The following AAK1 variants were observed in gnomAD, a reference collection of about 807,000 sequenced individuals.
The protein encoded by AAK1 is AP2 associated kinase 1.
In AAK1, 37 loss-of-function variants were observed where a neutral mutation model predicts 116.0. The observed-to-expected ratio is 0.32, with a 90% CI of 0.25 to 0.42. The LOEUF (loss-of-function observed/expected upper bound fraction) is 0.42, where lower values mean the gene tolerates loss of function less well. Ranked by LOEUF, AAK1 falls within the 10% of genes least tolerant of loss-of-function variation. The pLI is 1.00. For synonymous variants in AAK1, 458 were observed against 439.9 expected, an observed-to-expected ratio of 1.04 and a Z score of -0.51; for missense variants, 919 against 1,170.6, an observed-to-expected ratio of 0.79 and a Z score of 3.14.
At chr2:69,528,994 C>CT (rs1558937724) in intron 8 of AAK1, among the ~76,000 whole-genome samples, 1 of 151,572 alleles carries the variant, frequency 6.6e-6, no homozygotes, top group Non-Finnish European at 1.5e-5. Flanking sequence ...AATATTCCTC[C>CT]TTTTTTTGTT....
In AAK1 at chr2:69,466,096, A is replaced by C. The variant is rs1184093424; in HGVS notation, c.*9773T>G. On this transcript the variant is annotated 3_prime_UTR_variant, in exon 22 of 22. Transcript: ENST00000409085. ...TCCATGTCATCATTTGGAACCCTTG[A>C]GCTCCTGAAGGGAGCTATGGCAAAA... is the stretch of plus-strand genomic sequence containing the variant. 7.7e-7 allele frequency: 1 copy of C among 1,290,752 alleles called. No individual in the cohort carries two copies. The highest frequency in any genetic ancestry group is 1.0e-6 in the Non-Finnish European group (1 of 988,894). The allele number at this position is 1,290,752 out of a possible 1,614,324, so 80.0% of individuals were successfully genotyped here.
In AAK1 at chr2:69,466,303, G is replaced by T. The variant is rs751866883; in HGVS notation, c.*9566C>A. ...TCATCTTCTTCTTCAGACTCCATAA[G>T]GAGAGGCCGAGACCCACTGCAGTCC... On this transcript the variant is annotated 3_prime_UTR_variant, in exon 22 of 22. Coordinates refer to ENST00000409085, the MANE Select transcript of AAK1 (RefSeq NM_014911.5). The T allele has an allele frequency of 3.1e-6, 4 of 1,289,676 alleles. No homozygotes were observed. In the South Asian group the frequency reaches 4.9e-5, roughly 16 times the overall value. The allele number at this position is 1,289,676 out of a possible 1,614,324, so 79.9% of individuals were successfully genotyped here. A position where few individuals can be genotyped will look rare whatever the true frequency, so the allele number is the denominator to read the frequency against.
At chr2:69,537,567 G>A (rs1670529010) in intron 5 of AAK1, among the ~76,000 whole-genome samples, 1 of 152,196 alleles carries the variant, frequency 6.6e-6, no homozygotes, top group African/African-American at 2.4e-5. Flanking sequence ...TCACAGAGAA[G>A]CAACTAGCAT....
intron 3 of AAK1, 105 bp from the exon 4 acceptor site, chr2:69,544,649 CA>C: frequency 3.7e-6 from 3 of 805,326 alleles, no homozygotes; most frequent in Non-Finnish European, 6.0e-6. Flanking sequence ...AGAGATGATA[CA>C]GTGTTGACAG....
intron 2 of AAK1, among the ~76,000 whole-genome samples, chr2:69,571,276 T>C (rs1672085114): frequency 6.6e-6 from 1 of 152,150 alleles, no homozygotes; most frequent in Non-Finnish European, 1.5e-5. Flanking sequence ...GAATCCGAAG[T>C]GATGACCTAG....
intron 17 of AAK1, among the ~76,000 whole-genome samples, chr2:69,492,852 G>A (rs1192944747): frequency 6.6e-6 from 1 of 151,990 alleles, no homozygotes; most frequent in Non-Finnish European, 1.5e-5. Flanking sequence ...CAGTATGGCT[G>A]AGAGTAGAAG....
intron 13 of AAK1, among the ~76,000 whole-genome samples, chr2:69,513,479 C>A (rs1676469087): frequency 6.6e-6 from 1 of 152,102 alleles, no homozygotes; most frequent in Non-Finnish European, 1.5e-5. Flanking sequence ...GCCACCACGC[C>A]CGGCTAATTT....
intron 2 of AAK1, among the ~76,000 whole-genome samples, chr2:69,615,530 C>T (rs1559005199): frequency 6.6e-6 from 1 of 152,248 alleles, no homozygotes; most frequent in African/African-American, 2.4e-5. Flanking sequence ...CCCCAATCCT[C>T]CCTCCTCCTC....
intron 2 of AAK1, among the ~76,000 whole-genome samples, chr2:69,578,158 G>A (rs556587188): frequency 2.6e-5 from 4 of 152,330 alleles, no homozygotes; most frequent in Admixed American, 1.3e-4. Context: ...GTTAGCATTA[G>A]ACAAAATCAG....
At chr2:69,568,491 T>A (rs372399889) in intron 2 of AAK1, among the ~76,000 whole-genome samples, 2 of 149,450 alleles carry the variant, frequency 1.3e-5, no homozygotes, top group Admixed American at 6.8e-5. Flanking sequence ...AGTGCAGTGG[T>A]GCAATCATGG....
intron 2 of AAK1, among the ~76,000 whole-genome samples, chr2:69,599,371 G>A (rs1272864449): frequency 1.2e-4 from 15 of 124,116 alleles, no homozygotes; most frequent in African/African-American, 4.9e-4. Context: ...AATATATATA[G>A]TTCTGTGTAA....
chr2:69,505,174 G>C (rs1676137348), intron 16 of AAK1, among the ~76,000 whole-genome samples: 2 of 151,836 alleles, frequency 1.3e-5, no homozygotes, highest in African/African-American at 4.8e-5. Context: ...AGGAGTGTTA[G>C]CTATAACAGA....
chr2:69,609,992 A>G (rs937116042), intron 2 of AAK1, among the ~76,000 whole-genome samples: 1 of 146,426 alleles, frequency 6.8e-6, no homozygotes, highest in African/African-American at 2.6e-5. Context: ...GGAGCTTTGC[A>G]GTGAGCCGAG....
intron 17 of AAK1, among the ~76,000 whole-genome samples, chr2:69,492,904 T>TG (rs1201418715): frequency 4.6e-5 from 7 of 151,886 alleles, no homozygotes; most frequent in Non-Finnish European, 8.8e-5. Context: ...GCAAAAAACT[T>TG]GACTGGTGTC....
intron 2 of AAK1, among the ~76,000 whole-genome samples, chr2:69,622,811 C>T (rs1674713028): frequency 1.3e-5 from 2 of 152,184 alleles, no homozygotes; most frequent in Non-Finnish European, 2.9e-5. Context: ...CCAATCGACA[C>T]TCCGCATCTA....
intron 21 of AAK1, 40 bp downstream of exon 21, chr2:69,476,840 T>A (rs1674875140): frequency 6.8e-7 from 1 of 1,470,290 alleles, no homozygotes; most frequent in Non-Finnish European, 9.4e-7. Flanking sequence ...TGAAGAGAAC[T>A]GAGGCCAAGC....
At position 69,465,124 on chromosome 2, in the gene AAK1, CG is replaced by C; in HGVS notation, c.*10744del. On this transcript the variant is annotated 3_prime_UTR_variant, in exon 22 of 22. Coordinates refer to ENST00000409085, the MANE Select transcript of AAK1 (RefSeq NM_014911.5). Reference sequence around the variant, plus strand: ...ATTTAAACAGTTTCTGTGGGTGGGGCGGGGGGAAAGCAGAGTTCTTGGTGGA... The same window carrying C: ...ATTTAAACAGTTTCTGTGGGTGGGGCGGGGGAAAGCAGAGTTCTTGGTGGA... 2 of 212,726 alleles carry C rather than the reference CG, an allele frequency of 9.4e-6. No individual in the cohort carries two copies. Among genetic ancestry groups the C allele is most frequent in the South Asian group, 6.8e-5 (1 of 14,614 alleles). The allele number at this position is 212,726 out of a possible 1,614,324, so 13.2% of individuals were successfully genotyped here. A position where few individuals can be genotyped will look rare whatever the true frequency, so the allele number is the denominator to read the frequency against.
At chr2:69,495,435 TC>T (rs1479583634) in intron 17 of AAK1, among the ~76,000 whole-genome samples, 4 of 152,228 alleles carry the variant, frequency 2.6e-5, no homozygotes, top group Non-Finnish European at 4.4e-5. Flanking sequence ...CAGAAGGTTT[TC>T]AGGTAGCGGC....
At position 69,532,072 on chromosome 2, in the gene AAK1, C is replaced by T. The variant is rs1416755652; in HGVS notation, c.625G>A (p.Gly209Arg). 5.6e-6 allele frequency: 9 copies of T among 1,613,506 alleles called. No individual in the cohort carries two copies. The highest frequency in any genetic ancestry group is 7.6e-6 in the Non-Finnish European group (9 of 1,179,546). ...ATCTCATCTTCTACTGCATTGACTC[C>T]CTCAGTTTGTGGATTCTGGAATTTG... ...TNKFQNPQTE[G>R]VNAVEDEIKK... Residue 209 changes from glycine (G) to arginine (R), a missense_variant, in exon 6 of 22, where the codon GGA (glycine) becomes AGA (arginine). This residue lies in a region of AAK1 where 317 missense variants were observed against 490.4 expected (regional missense o/e 0.65). Coordinates refer to ENST00000409085, the MANE Select transcript of AAK1 (RefSeq NM_014911.5).
Sources: allele counts gnomAD v4.1 joint callset (sites outside exome capture counted in the v4.1 genomes callset), GRCh38; gene constraint gnomAD v4.1.1; regional missense constraint gnomAD v4.1.1; transcripts MANE v1.5; gene names NCBI Gene and HGNC (gene_info 2026-07-23, HGNC 2026-07-21).